COG5: variants seen among roughly 807,000 people sequenced by gnomAD.
The protein encoded by COG5 is conserved oligomeric Golgi complex subunit 5.
COG5 carries 86 observed loss-of-function variants against 110.4 expected under a neutral mutation model. The observed-to-expected ratio is 0.78, with a 90% CI of 0.65 to 0.93. The LOEUF is 0.93. Ranked by LOEUF, COG5 falls within the 40% of genes least tolerant of loss-of-function variation. COG5 has a pLI of 0.00. For missense variants in COG5, 1,077 were observed against 987.0 expected (o/e 1.09, Z -1.22); for synonymous variants, 360 against 334.6 (o/e 1.08, Z -0.83).
intron 12 of COG5, among the ~76,000 whole-genome samples, chr7:107,285,982 G>C (rs1805594594): frequency 6.6e-6 from 1 of 152,110 alleles, no homozygotes; most frequent in African/African-American, 2.4e-5. Context: ...TAAGTGCTAA[G>C]AGAAAAATAA....
chr7:107,282,193 G>A (rs1439242961), intron 13 of COG5, among the ~76,000 whole-genome samples: 1 of 152,116 alleles, frequency 6.6e-6, no homozygotes, highest in Admixed American at 6.6e-5. Flanking sequence ...CATACTATGT[G>A]TAACAAAAAT....
rs182150037 is a variant in COG5 at position 107,422,175 on chromosome 7, A to G, written c.539-9543T>C. Among the ~76,000 whole-genome samples the G allele has an allele frequency of 1.2e-3, 179 of 152,372 alleles. 1 individual carries two copies. Among genetic ancestry groups the G allele is most frequent in the Admixed American group, 9.5e-3 (146 of 15,312 alleles). On this transcript the variant is annotated intron_variant, in intron 6 of 21. Transcript: ENST00000297135. The stretch of plus-strand genomic sequence containing the variant: ...AAAAGTTGACTCTTTGAAAACATCA[A>G]TAAAATTTGTAATCTCCTAGTAATA...
Position 107,236,637 on chromosome 7 carries a change from T to A in COG5, c.1904A>T (p.Lys635Met). The change falls in exon 18 of 22, where the codon AAG (lysine) becomes ATG (methionine). Residue 635 changes from lysine to methionine, a missense_variant. Lys to Met is a moderately conservative substitution (Grantham distance 95). Coordinates refer to ENST00000297135, the MANE Select transcript of COG5 (RefSeq NM_006348.5). The stretch of plus-strand genomic sequence containing the variant: ...TCTGGCAATGAAACCTTGTAGCTCC[T>A]TCATGTACAGAGAACAAGGAACATC... ...KPDVPCSLYMKELQGFIARVM... is the reference protein window; with the variant it reads ...KPDVPCSLYMMELQGFIARVM... The A allele has an allele frequency of 1.2e-6, 2 of 1,614,024 alleles. No individual in the cohort carries two copies. Among genetic ancestry groups the A allele is most frequent in the Non-Finnish European group, 8.5e-7 (1 of 1,179,932 alleles).
chr7:107,278,542 T>G (rs1436088823), intron 14 of COG5, among the ~76,000 whole-genome samples: 2 of 152,182 alleles, frequency 1.3e-5, no homozygotes, highest in Non-Finnish European at 2.9e-5. Flanking sequence ...GTTCCTGTGT[T>G]TGTTTGCTGA....
At chr7:107,294,950 CAT>C (rs1212275717) in intron 12 of COG5, among the ~76,000 whole-genome samples, 2,605 of 84,888 alleles carry the variant, frequency 0.031, 92 homozygotes, top group African/African-American at 0.067. Context: ...CACACACACA[CAT>C]ATATATATAC....
In COG5 at chr7:107,298,228, T is replaced by C. The variant is rs775556508; in HGVS notation, c.1227A>G (p.Ala409=). Residue 409 remains alanine (A), a synonymous_variant, in exon 12 of 22, where the codon GCA becomes GCG. Coordinates refer to ENST00000297135, the MANE Select transcript of COG5 (RefSeq NM_006348.5). ...YSQHIQGNFN[A]SGTTDLYVDL... ...CAACATAGAGGTCTGTAGTTCCACT[T>C]GCATTAAAATTCCCTTGGATATGCT... is the stretch of plus-strand genomic sequence containing the variant. The C allele has an allele frequency of 4.3e-6, 7 of 1,613,482 alleles. No homozygotes were observed. The Admixed American group carries it at 1.0e-4, about 23-fold the overall frequency.
At chr7:107,503,289 T>G (rs1171465504) in intron 6 of COG5, among the ~76,000 whole-genome samples, 1 of 152,174 alleles carries the variant, frequency 6.6e-6, no homozygotes, top group African/African-American at 2.4e-5. Flanking sequence ...GATGCTTTGT[T>G]GAAGATCACT....
chr7:107,295,575 C>T (rs1436564958), intron 12 of COG5, among the ~76,000 whole-genome samples: 1 of 152,076 alleles, frequency 6.6e-6, no homozygotes, highest in Non-Finnish European at 1.5e-5. Flanking sequence ...TTTCTCTCCA[C>T]TGGCTACTTC....
At chr7:107,266,195 C>T (rs770893159) in intron 14 of COG5, among the ~76,000 whole-genome samples, 5 of 152,126 alleles carry the variant, frequency 3.3e-5, no homozygotes, top group Non-Finnish European at 5.9e-5. Context: ...TGTAGGTTTA[C>T]ACAGGAATTT....
intron 5 of COG5, among the ~76,000 whole-genome samples, chr7:107,536,109 A>T: frequency 6.6e-6 from 1 of 152,238 alleles, no homozygotes; most frequent in East Asian, 1.9e-4. Flanking sequence ...ACAGCCCTTC[A>T]TGCTAAAAAC....
At chr7:107,357,183 T>C (rs1812701596) in intron 10 of COG5, among the ~76,000 whole-genome samples, 1 of 152,170 alleles carries the variant, frequency 6.6e-6, no homozygotes, top group Non-Finnish European at 1.5e-5. Context: ...GCAAAAATAT[T>C]TGTTTACAGC....
intron 5 of COG5, among the ~76,000 whole-genome samples, chr7:107,538,247 A>G (rs539089523): frequency 1.3e-5 from 2 of 152,374 alleles, no homozygotes; most frequent in Admixed American, 1.3e-4. Flanking sequence ...CAGGGCGGCC[A>G]GCTTTTTCAC....
At position 107,346,403 on chromosome 7, in the gene COG5, A is replaced by C. The variant is rs939584561; in HGVS notation, c.1026+15630T>G. Among the ~76,000 whole-genome samples the C allele has an allele frequency of 6.9e-5, 10 of 145,734 alleles. No homozygotes were observed. The East Asian group carries it at 2.0e-3, about 29-fold the overall frequency. On this transcript the variant is annotated intron_variant, in intron 10 of 21. Transcript: ENST00000297135. ...AACAAGGGGGGAAAGCAGCTTTTGG[A>C]AGGCAAGGATAGGTCACTTTGTTCA...
chr7:107,494,273 T>A (rs757662870), intron 6 of COG5, among the ~76,000 whole-genome samples: 2 of 152,168 alleles, frequency 1.3e-5, no homozygotes, highest in Non-Finnish European at 2.9e-5. Flanking sequence ...TTCATCTAGC[T>A]TCCACTAATG....
At chr7:107,367,571 C>T (rs558206161) in intron 8 of COG5, among the ~76,000 whole-genome samples, 84 of 150,730 alleles carry the variant, frequency 5.6e-4, no homozygotes, top group South Asian at 1.7e-3. Flanking sequence ...TATATATATA[C>T]ACACACACAC....
chr7:107,546,227 G>A (rs1055405844), intron 5 of COG5, among the ~76,000 whole-genome samples: 1 of 152,064 alleles, frequency 6.6e-6, no homozygotes, highest in African/African-American at 2.4e-5. Flanking sequence ...GCAGTTCTAA[G>A]ACGAAAGTTT....
At chr7:107,456,747 A>AG (rs1204572455) in intron 6 of COG5, among the ~76,000 whole-genome samples, 3 of 152,244 alleles carry the variant, frequency 2.0e-5, no homozygotes, top group South Asian at 2.1e-4. Flanking sequence ...AACCACTACC[A>AG]GAAAATCTGC....
At chr7:107,513,983 G>A (rs1005807851) in intron 6 of COG5, among the ~76,000 whole-genome samples, 4 of 151,834 alleles carry the variant, frequency 2.6e-5, no homozygotes, top group African/African-American at 9.7e-5. Flanking sequence ...CACCAACATG[G>A]CACATGTATA....
intron 19 of COG5, among the ~76,000 whole-genome samples, chr7:107,219,141 G>C (rs779239396): frequency 6.6e-6 from 1 of 152,132 alleles, no homozygotes; most frequent in Non-Finnish European, 1.5e-5. Flanking sequence ...ACCACAATGA[G>C]ATATCACCTC....
Sources: allele counts gnomAD v4.1 joint callset (sites outside exome capture counted in the v4.1 genomes callset), GRCh38; gene constraint gnomAD v4.1.1; transcripts MANE v1.5; gene names NCBI Gene and HGNC (gene_info 2026-07-23, HGNC 2026-07-21).